LDLRAD4: variants seen among roughly 807,000 people sequenced by gnomAD.
The protein encoded by LDLRAD4 is low-density lipoprotein receptor class A domain-containing protein 4.
In LDLRAD4, 5 loss-of-function variants were observed where a neutral mutation model predicts 17.0. The observed-to-expected ratio is 0.29, with a 90% CI of 0.15 to 0.62. The LOEUF (loss-of-function observed/expected upper bound fraction) is 0.62. Among genes scored for constraint, LDLRAD4 ranks in the 20% least tolerant of loss-of-function variants. The pLI is 0.84. For missense variants in LDLRAD4, 340 were observed against 424.7 expected (o/e 0.80, Z 1.75); for synonymous variants, 168 against 171.8 (o/e 0.98, Z 0.17).
At chr18:13,361,032 A>G (rs1183675291) in intron 1 of LDLRAD4, among the ~76,000 whole-genome samples, 2 of 152,182 alleles carry the variant, frequency 1.3e-5, no homozygotes, top group Non-Finnish European at 2.9e-5. Flanking sequence ...GTGCATTGTG[A>G]TGTCAGCTTG....
intron 3 of LDLRAD4, among the ~76,000 whole-genome samples, chr18:13,551,525 GAA>G (rs2094434672): frequency 6.6e-6 from 1 of 152,170 alleles, no homozygotes; most frequent in Non-Finnish European, 1.5e-5. Context: ...CTGGTTTGCA[GAA>G]AGAGAGAAAA....
chr18:13,611,853 A>G, intron 3 of LDLRAD4: 2 of 985,460 alleles, frequency 2.0e-6, no homozygotes, highest in Non-Finnish European at 2.4e-6. Context: ...TTGCCAGTAC[A>G]GAGCTCGGTG....
chr18:13,397,226 C>A (rs1363669088), intron 2 of LDLRAD4, among the ~76,000 whole-genome samples: 1 of 152,138 alleles, frequency 6.6e-6, no homozygotes, highest in Non-Finnish European at 1.5e-5. Context: ...TCACTGCAAG[C>A]TCCGCCTGCC....
intron 1 of LDLRAD4, among the ~76,000 whole-genome samples, chr18:13,257,102 G>A: frequency 6.6e-6 from 1 of 152,194 alleles, no homozygotes; most frequent in Non-Finnish European, 1.5e-5. Context: ...CAGTTAAAAC[G>A]TTTCTGCCAT....
intron 1 of LDLRAD4, among the ~76,000 whole-genome samples, chr18:13,252,502 C>T (rs966208893): frequency 1.3e-5 from 2 of 152,198 alleles, no homozygotes; most frequent in Non-Finnish European, 2.9e-5. Flanking sequence ...GGCCACAGCC[C>T]CATGTCTGAC....
At chr18:13,520,938 G>C (rs958695003) in intron 3 of LDLRAD4, 51 of 152,302 alleles carry the variant, frequency 3.3e-4, no homozygotes, top group African/African-American at 1.2e-3. Context: ...GTTGCTGTTG[G>C]AGAATACATC....
intron 3 of LDLRAD4, chr18:13,561,556 A>G (rs1228262816): frequency 6.6e-6 from 1 of 152,242 alleles, no homozygotes; most frequent in Admixed American, 6.5e-5. Flanking sequence ...ATGAGCAGTC[A>G]TTTGTTGGAA....
chr18:13,642,129 T>A (rs183316805), intron 4 of LDLRAD4: 15,205 of 985,544 alleles, frequency 0.015, 113 homozygotes, highest in Middle Eastern at 0.029. Flanking sequence ...TGGACCGCCG[T>A]ATACGTTTGC....
intron 1 of LDLRAD4, among the ~76,000 whole-genome samples, chr18:13,353,471 A>G (rs1452878730): frequency 1.3e-5 from 2 of 152,074 alleles, no homozygotes; most frequent in Non-Finnish European, 2.9e-5. Flanking sequence ...GCTGGACCTT[A>G]TGTATTCTAT....
chr18:13,385,895 C>G (rs2085762736), intron 1 of LDLRAD4, among the ~76,000 whole-genome samples: 1 of 152,192 alleles, frequency 6.6e-6, no homozygotes, highest in Non-Finnish European at 1.5e-5. Flanking sequence ...GTTCTTTAAA[C>G]TTGAGGACTC....
chr18:13,406,431 G>A (rs2087758116), intron 2 of LDLRAD4, among the ~76,000 whole-genome samples: 1 of 152,188 alleles, frequency 6.6e-6, no homozygotes, highest in African/African-American at 2.4e-5. Flanking sequence ...CATTTTCTTT[G>A]TTCCAGAGAA....
upstream of LDLRAD4, among the ~76,000 whole-genome samples, chr18:13,277,948 A>G: frequency 6.6e-6 from 1 of 151,982 alleles, no homozygotes; most frequent in East Asian, 1.9e-4. Flanking sequence ...CCTTCCCTTT[A>G]TTACTTGATG....
chr18:13,317,262 C>A (rs555702318), intron 1 of LDLRAD4, among the ~76,000 whole-genome samples: 1 of 152,294 alleles, frequency 6.6e-6, no homozygotes, highest in African/African-American at 2.4e-5. Flanking sequence ...TTAAATTGCC[C>A]CTACACGTAT....
chr18:13,635,481 G>A (rs926298380), intron 4 of LDLRAD4, among the ~76,000 whole-genome samples: 1 of 152,184 alleles, frequency 6.6e-6, no homozygotes, highest in Admixed American at 6.5e-5. Flanking sequence ...CTGTGCTCCA[G>A]ATCTGCAAAT....
In LDLRAD4 at chr18:13,398,425, T is replaced by C. The variant is rs2086879556; in HGVS notation, c.40+10663T>C. Reference sequence around the variant, plus strand: ...TGGGGCATTTTATGTTACGTACATTTTACCACAGTGAACATAAACAGTTTT... The same window carrying C: ...TGGGGCATTTTATGTTACGTACATTCTACCACAGTGAACATAAACAGTTTT... On this transcript the variant is annotated intron_variant, in intron 2 of 5. Transcript: ENST00000359446. This position sits in a 1 kb window ranked among gnomAD's most constrained non-coding sequence, Gnocchi z 4.8. Among the ~76,000 whole-genome samples the C allele has an allele frequency of 6.6e-6, 1 of 152,088 alleles. No individual in the cohort carries two copies. Among genetic ancestry groups the C allele is most frequent in the African/African-American group, 2.4e-5 (1 of 41,406 alleles).
chr18:13,505,232 A>G (rs752912100), intron 3 of LDLRAD4, among the ~76,000 whole-genome samples: 49 of 152,354 alleles, frequency 3.2e-4, no homozygotes, highest in African/African-American at 1.1e-3. Flanking sequence ...GCTAGTCCCA[A>G]TAGGAACAGA....
intron 3 of LDLRAD4, among the ~76,000 whole-genome samples, chr18:13,452,505 G>A (rs1438904511): frequency 6.6e-6 from 1 of 152,124 alleles, no homozygotes; most frequent in Non-Finnish European, 1.5e-5. Flanking sequence ...GTGGAGATGT[G>A]GACGGAAGAA....
In LDLRAD4 at chr18:13,440,753, G is replaced by C. The variant is rs1027017955; in HGVS notation, c.181+2369G>C. Among the ~76,000 whole-genome samples the C allele has an allele frequency of 2.6e-5, 4 of 152,214 alleles. No individual in the cohort carries two copies. The highest frequency in any genetic ancestry group is 9.6e-5 in the African/African-American group (4 of 41,456). On this transcript the variant is annotated intron_variant, in intron 3 of 5. Transcript: ENST00000359446. This position sits in a 1 kb window ranked among gnomAD's most constrained non-coding sequence, Gnocchi z 4.4. ...ACACAGTCTATGTCATCGTGTTGCAGTTGCCATCTCCACTCCCCACGTGGC... is the reference window on the plus strand; with the variant it reads ...ACACAGTCTATGTCATCGTGTTGCACTTGCCATCTCCACTCCCCACGTGGC...
chr18:13,343,763 A>G (rs2082515256), intron 1 of LDLRAD4, among the ~76,000 whole-genome samples: 1 of 152,264 alleles, frequency 6.6e-6, no homozygotes, highest in South Asian at 2.1e-4. Context: ...TGACTTTTTA[A>G]TGATCATCAT....
Sources: allele counts gnomAD v4.1 joint callset (sites outside exome capture counted in the v4.1 genomes callset), GRCh38; gene constraint gnomAD v4.1.1; non-coding constraint Gnocchi (gnomAD v3.1); transcripts MANE v1.5; gene names NCBI Gene and HGNC (gene_info 2026-07-23, HGNC 2026-07-21).